TSHZ2: variants seen among roughly 807,000 people sequenced by gnomAD.
TSHZ2 encodes teashirt zinc finger homeobox 2.
A neutral mutation model predicts 74.4 loss-of-function variants in TSHZ2; 21 were observed. The observed-to-expected ratio is 0.28, with a 90% CI of 0.20 to 0.41. The LOEUF (loss-of-function observed/expected upper bound fraction) is 0.41, where lower values mean the gene tolerates loss of function less well. Ranked by LOEUF, TSHZ2 falls within the 10% of genes least tolerant of loss-of-function variation. The pLI, the probability that TSHZ2 is intolerant of heterozygous loss-of-function variation, is 1.00. For synonymous variants in TSHZ2, 540 were observed against 515.3 expected, an observed-to-expected ratio of 1.05 and a Z score of -0.65; for missense variants, 1,244 against 1,293.5, an observed-to-expected ratio of 0.96 and a Z score of 0.59.
chr20:53,320,343 C>A (rs1305610503), intron 2 of TSHZ2, among the ~76,000 whole-genome samples: 1 of 152,224 alleles, frequency 6.6e-6, no homozygotes, highest in Admixed American at 6.5e-5. Flanking sequence ...CAGTCTGGAT[C>A]TGCTGGTCCT....
At chr20:53,398,108 A>T (rs1302001998) in intron 2 of TSHZ2, 1 of 152,204 alleles carries the variant, frequency 6.6e-6, no homozygotes, top group Non-Finnish European at 1.5e-5. Flanking sequence ...GTGCACATGT[A>T]CCCTAGAACT....
At chr20:53,109,216 G>C (rs1005921043) in intron 1 of TSHZ2, among the ~76,000 whole-genome samples, 6 of 152,098 alleles carry the variant, frequency 3.9e-5, no homozygotes, top group African/African-American at 1.5e-4. Flanking sequence ...CTACTTTATA[G>C]GGTTTTGCAA....
chr20:53,039,388 C>T (rs895955020), intron 1 of TSHZ2, among the ~76,000 whole-genome samples: 6 of 152,096 alleles, frequency 3.9e-5, no homozygotes, highest in East Asian at 1.9e-4. Context: ...TTTTCTCTCT[C>T]GATGCTGTTG....
chr20:53,480,214 G>A (rs751552278), intron 2 of TSHZ2, among the ~76,000 whole-genome samples: 27 of 151,552 alleles, frequency 1.8e-4, no homozygotes, highest in African/African-American at 2.4e-4. Flanking sequence ...GATTACAGGC[G>A]CCTGCCACCA....
At chr20:53,105,693 C>T (rs568410487) in intron 1 of TSHZ2, among the ~76,000 whole-genome samples, 1 of 152,114 alleles carries the variant, frequency 6.6e-6, no homozygotes, top group Admixed American at 6.5e-5. Flanking sequence ...GTGGCCCAGG[C>T]TGGAGTGCAG....
intron 1 of TSHZ2, among the ~76,000 whole-genome samples, chr20:53,154,913 C>A (rs1181722807): frequency 5.3e-5 from 8 of 151,954 alleles, no homozygotes; most frequent in Admixed American, 4.6e-4. Flanking sequence ...TTAATTAGTT[C>A]TTCTGCCCCA....
intron 2 of TSHZ2, among the ~76,000 whole-genome samples, chr20:53,352,362 T>G (rs1026114994): frequency 6.6e-6 from 1 of 151,876 alleles, no homozygotes; most frequent in Non-Finnish European, 1.5e-5. Context: ...TGTGCACTAT[T>G]CTTACAGGGT....
chr20:53,182,222 C>CTT, intron 1 of TSHZ2, among the ~76,000 whole-genome samples: 1 of 97,552 alleles, frequency 1.0e-5, no homozygotes, highest in Non-Finnish European at 2.2e-5. Flanking sequence ...TCCCTCCTTC[C>CTT]CTCTTGACTC....
intron 1 of TSHZ2, among the ~76,000 whole-genome samples, chr20:53,096,131 TTGTTTGTC>T (rs1286719891): frequency 6.6e-6 from 1 of 152,056 alleles, no homozygotes; most frequent in African/African-American, 2.4e-5. Context: ...TCTGTGTTTT[TTGTTTGTC>T]TGTTTGTTTG....
intron 1 of TSHZ2, among the ~76,000 whole-genome samples, chr20:53,220,662 G>A (rs920932538): frequency 6.6e-6 from 1 of 152,186 alleles, no homozygotes; most frequent in Non-Finnish European, 1.5e-5. Context: ...CTACTATGTG[G>A]TCCTTCACAG....
At chr20:52,977,421 T>TACACACAC (rs36230826) in intron 1 of TSHZ2, among the ~76,000 whole-genome samples, 1 of 141,382 alleles carries the variant, frequency 7.1e-6, no homozygotes, top group African/African-American at 2.6e-5. Context: ...AATGGAAAAA[T>TACACACAC]ACACACACAC....
At chr20:53,288,631 T>C (rs2145451673) in intron 2 of TSHZ2, among the ~76,000 whole-genome samples, 1 of 152,190 alleles carries the variant, frequency 6.6e-6, no homozygotes, top group African/African-American at 2.4e-5. Context: ...CTGTAGTAGG[T>C]TCTGGAAGCT....
chr20:53,428,880 G>C (rs919915160), intron 2 of TSHZ2, among the ~76,000 whole-genome samples: 1 of 152,140 alleles, frequency 6.6e-6, no homozygotes, highest in African/African-American at 2.4e-5. Context: ...TGCTCTATCA[G>C]GAAATGCCAG....
chr20:53,011,415 T>G (rs542436587), intron 1 of TSHZ2, among the ~76,000 whole-genome samples: 46 of 152,342 alleles, frequency 3.0e-4, no homozygotes, highest in South Asian at 1.0e-3. Context: ...ACCCAAAGTT[T>G]TAAATATAAC....
intron 2 of TSHZ2, among the ~76,000 whole-genome samples, chr20:53,481,870 G>A (rs558347771): frequency 7.6e-4 from 115 of 152,058 alleles, no homozygotes; most frequent in Non-Finnish European, 1.4e-3. Flanking sequence ...TCAGGAGGCC[G>A]AGGTGGGTGG....
intron 1 of TSHZ2, chr20:53,196,319 T>C (rs981329872): frequency 6.8e-6 from 1 of 147,696 alleles, no homozygotes; most frequent in Non-Finnish European, 1.5e-5. Context: ...CTGCAAATCT[T>C]GTTCAGGCCA....
intron 2 of TSHZ2, among the ~76,000 whole-genome samples, chr20:53,450,988 C>T (rs1433569208): frequency 6.6e-6 from 1 of 152,006 alleles, no homozygotes; most frequent in Admixed American, 6.6e-5. Flanking sequence ...AAAAAAAGAC[C>T]ATGAATCTTC....
At chr20:53,097,001 T>C (rs897122782) in intron 1 of TSHZ2, among the ~76,000 whole-genome samples, 2 of 152,024 alleles carry the variant, frequency 1.3e-5, no homozygotes, top group African/African-American at 2.4e-5. Flanking sequence ...TTGACATCAT[T>C]TGGGGGCAGA....
At chr20:53,321,456 C>T (rs1979257469) in intron 2 of TSHZ2, among the ~76,000 whole-genome samples, 1 of 151,982 alleles carries the variant, frequency 6.6e-6, no homozygotes, top group Non-Finnish European at 1.5e-5. Flanking sequence ...GCAGCCGAAG[C>T]AGGCGGATCA....
Sources: allele counts gnomAD v4.1 joint callset (sites outside exome capture counted in the v4.1 genomes callset), GRCh38; gene constraint gnomAD v4.1.1; transcripts MANE v1.5; gene names NCBI Gene and HGNC (gene_info 2026-07-23, HGNC 2026-07-21).